PAQR7: variants seen among roughly 807,000 people sequenced by gnomAD.
The protein encoded by PAQR7 is progestin and adipoQ receptor family member 7, also known as membrane progestin receptor alpha.
A neutral mutation model predicts 24.6 loss-of-function variants in PAQR7; 14 were observed. That is an observed-to-expected ratio of 0.57 (90% CI 0.38 to 0.89). PAQR7 has a LOEUF of 0.89. Among genes scored for constraint, PAQR7 ranks in the 40% least tolerant of loss-of-function variants. The pLI is 0.00. For synonymous variants in PAQR7, 189 were observed against 198.8 expected (o/e 0.95, Z 0.42); for missense variants, 351 against 444.0 (o/e 0.79, Z 1.88).
chr1:25,872,342 C>T (rs2048612793), intron 1 of PAQR7, among the ~76,000 whole-genome samples: 1 of 152,068 alleles, frequency 6.6e-6, no homozygotes, highest in Non-Finnish European at 1.5e-5. Flanking sequence ...AGAGTAAATT[C>T]ACCAGTGACT....
chr1:25,864,371 A>G (rs1472670432), intron 2 of PAQR7, among the ~76,000 whole-genome samples: 1 of 151,874 alleles, frequency 6.6e-6, no homozygotes, highest in Non-Finnish European at 1.5e-5. Context: ...ACCCTCCATT[A>G]CCCTGCATGA....
chr1:25,867,357 G>A (rs2048565829), intron 2 of PAQR7, among the ~76,000 whole-genome samples: 1 of 152,144 alleles, frequency 6.6e-6, no homozygotes, highest in Admixed American at 6.5e-5. Flanking sequence ...AATGCACTTT[G>A]CAACACAAGG....
At position 25,863,186 on chromosome 1, in the gene PAQR7, AAT is replaced by A; in HGVS notation, c.652_653del (p.Ile218Ter). 3 of 1,614,238 alleles carry A rather than the reference AAT, an allele frequency of 1.9e-6. No homozygotes were observed. Among genetic ancestry groups the A allele is most frequent in the Non-Finnish European group, 1.7e-6 (2 of 1,180,048 alleles). On this transcript the variant is annotated frameshift_variant, in exon 3 of 3. Transcript: ENST00000675840. LOFTEE classifies it high-confidence loss of function. The surrounding 1 kb of genome is among the most constrained non-coding windows in gnomAD (Gnocchi z 6.1). ...CGAAGATACGATGCACCACAGGACT[AAT>A]GTCCAGTGCGTAGGCCAGGACGGAG... ...VPSVLAYALDISPVVHRIFVS... is the reference protein window; with the variant it reads ...VPSVLAYALDXSPVVHRIFVS...
chr1:25,868,663 T>C (rs929823465), intron 2 of PAQR7, among the ~76,000 whole-genome samples: 7 of 148,382 alleles, frequency 4.7e-5, no homozygotes, highest in African/African-American at 7.6e-5. Flanking sequence ...GGAGCCAAGA[T>C]TGTGCCACTG....
chr1:25,862,630 T>C lies in PAQR7; in HGVS notation c.*169A>G, dbSNP rs752278163. 6 of 756,346 alleles carry C rather than the reference T, an allele frequency of 7.9e-6. No individual in the cohort carries two copies. Among genetic ancestry groups the C allele is most frequent in the Non-Finnish European group, 1.3e-5 (6 of 473,798 alleles). 46.9% of individuals were successfully genotyped at this position (756,346 alleles called of 1,614,324 possible). A position where few individuals can be genotyped will look rare whatever the true frequency, so the allele number is the denominator to read the frequency against. On this transcript the variant is annotated 3_prime_UTR_variant, in exon 3 of 3. Coordinates refer to ENST00000675840, the MANE Select transcript of PAQR7 (RefSeq NM_178422.6). ...GTGGACCCCAGCAACTCCTAGCCAATCCCTAAATCCAAGAATTGGCCAGTG... is the reference window on the plus strand; with the variant it reads ...GTGGACCCCAGCAACTCCTAGCCAACCCCTAAATCCAAGAATTGGCCAGTG...
chr1:25,870,826 C>G (rs1467628471), intron 1 of PAQR7, 132 bp from the exon 2 acceptor site: 1 of 152,232 alleles, frequency 6.6e-6, no homozygotes, highest in Non-Finnish European at 1.5e-5. Flanking sequence ...AACATGCTAG[C>G]TATGTGACCT....
intron 2 of PAQR7, among the ~76,000 whole-genome samples, chr1:25,870,154 C>CTG (rs2048591425): frequency 1.3e-5 from 2 of 152,186 alleles, no homozygotes; most frequent in Non-Finnish European, 2.9e-5. Flanking sequence ...AGGGCACCAT[C>CTG]AGGGCATCCT....
In PAQR7 at chr1:25,866,574, C is replaced by T. The variant is rs117441389; in HGVS notation, c.-22-2713G>A. ...ATGCTCACACAGCACCTGCTAGACG[C>T]TTCCCAGCAACCCTGAGAGGCAGAC... On this transcript the variant is annotated intron_variant, in intron 2 of 2. Coordinates refer to ENST00000675840, the MANE Select transcript of PAQR7 (RefSeq NM_178422.6). Among the ~76,000 whole-genome samples, 70 of 152,340 alleles carry T rather than the reference C, an allele frequency of 4.6e-4. 1 individual carries two copies. The East Asian group carries it at 0.012, about 26-fold the overall frequency.
chr1:25,862,114 C>G lies in PAQR7; in HGVS notation c.*685G>C, dbSNP rs1312646051. The G allele has an allele frequency of 6.8e-6, 1 of 147,496 alleles. No individual in the cohort carries two copies. Among genetic ancestry groups the G allele is most frequent in the African/African-American group, 2.5e-5 (1 of 40,144 alleles). The allele number at this position is 147,496 out of a possible 1,614,324, so 9.1% of individuals were successfully genotyped here. A position where few individuals can be genotyped will look rare whatever the true frequency, so the allele number is the denominator to read the frequency against. Reference sequence around the variant, plus strand: ...CCTCTGAGCAGAGGCCCAGGAAACACTGAATGGATAAATGAATCCGTAACA... The same window carrying G: ...CCTCTGAGCAGAGGCCCAGGAAACAGTGAATGGATAAATGAATCCGTAACA... On this transcript the variant is annotated 3_prime_UTR_variant, in exon 3 of 3. Coordinates refer to ENST00000675840, the MANE Select transcript of PAQR7 (RefSeq NM_178422.6).
At chr1:25,871,304 GCAGTGACAGTCC>G (rs1157894604) in intron 1 of PAQR7, 1 of 152,210 alleles carries the variant, frequency 6.6e-6, no homozygotes, top group Non-Finnish European at 1.5e-5. Flanking sequence ...ATGTGGCTAA[GCAGTGACAGTCC>G]CAGGGGAAGG....
chr1:25,863,721 G>T lies in PAQR7; in HGVS notation c.119C>A (p.Pro40Gln), dbSNP rs748332122. Reference sequence around the variant, plus strand: ...ATAGATGTACGGCTTCCAGAAGAGCGGCGGCACCTCAGCTCGATCCACCGT... The same window carrying T: ...ATAGATGTACGGCTTCCAGAAGAGCTGCGGCACCTCAGCTCGATCCACCGT... Reference protein sequence around the residue: ...VFTVDRAEVPPLFWKPYIYAG... With the variant: ...VFTVDRAEVPQLFWKPYIYAG... The change falls in exon 3 of 3, where the codon CCG (proline) becomes CAG (glutamine). Residue 40 changes from proline to glutamine, a missense_variant. Transcript: ENST00000675840. The surrounding 1 kb of genome is among the most constrained non-coding windows in gnomAD (Gnocchi z 6.1). 1.2e-6 allele frequency: 2 copies of T among 1,613,976 alleles called. No homozygotes were observed. The highest frequency in any genetic ancestry group is 1.3e-5 in the African/African-American group (1 of 74,916).
At position 25,872,901 on chromosome 1, in the gene PAQR7, C is replaced by T. The variant is rs75762393; in HGVS notation, c.-108-2207G>A. 4.7e-4 allele frequency among the ~76,000 whole-genome samples: 71 copies of T among 152,342 alleles called. No homozygotes were observed. In the East Asian group the frequency reaches 0.013, roughly 28 times the overall value. On this transcript the variant is annotated intron_variant, in intron 1 of 2. Coordinates refer to ENST00000675840, the MANE Select transcript of PAQR7 (RefSeq NM_178422.6). ...TAAGCATTATTTGGGTACAATTCCA[C>T]TTCCTCTTTTGCCTCCTTCTTGGCA...
At chr1:25,869,596 G>GA (rs796341418) in intron 2 of PAQR7, among the ~76,000 whole-genome samples, 30 of 146,328 alleles carry the variant, frequency 2.1e-4, no homozygotes, top group African/African-American at 5.8e-4. Flanking sequence ...AAAAAGAAAG[G>GA]AAAAAAAAAA....
rs993038867 is a variant in PAQR7 at position 25,875,494 on chromosome 1, C to A, written c.-115G>T. Among the ~76,000 whole-genome samples the A allele has an allele frequency of 4.6e-5, 7 of 152,224 alleles. No individual in the cohort carries two copies. Among genetic ancestry groups the A allele is most frequent in the Non-Finnish European group, 4.4e-5 (3 of 67,996 alleles). On this transcript the variant is annotated 5_prime_UTR_variant, in exon 1 of 3. Coordinates refer to ENST00000675840, the MANE Select transcript of PAQR7 (RefSeq NM_178422.6). This position sits in a 1 kb window ranked among gnomAD's most constrained non-coding sequence, Gnocchi z 5.4. Reference sequence around the variant, plus strand: ...CGTCTTGGCAGCCCCGTACCTGAGCCGGAGCCGAGCTGGGAGGGCCGCGGG... The same window carrying A: ...CGTCTTGGCAGCCCCGTACCTGAGCAGGAGCCGAGCTGGGAGGGCCGCGGG...
intron 2 of PAQR7, among the ~76,000 whole-genome samples, chr1:25,870,087 G>A (rs2048590936): frequency 6.6e-6 from 1 of 152,174 alleles, no homozygotes; most frequent in Admixed American, 6.5e-5. Context: ...CCAGGGGAAA[G>A]GAAAAAGCAG....
Position 25,873,031 on chromosome 1 carries a change from C to A in PAQR7, c.-108-2337G>T, listed in dbSNP as rs748510884. ...AGGGAAAGTCTAACCCCATTAGATA[C>A]AAATAATAAGGCCAGACCAATGTTA... On this transcript the variant is annotated intron_variant, in intron 1 of 2. Coordinates refer to ENST00000675840, the MANE Select transcript of PAQR7 (RefSeq NM_178422.6). 6.9e-4 allele frequency among the ~76,000 whole-genome samples: 105 copies of A among 152,256 alleles called. 1 individual carries two copies. Among genetic ancestry groups the A allele is most frequent in the Non-Finnish European group, 1.2e-3 (84 of 68,014 alleles).
intron 2 of PAQR7, among the ~76,000 whole-genome samples, chr1:25,867,970 TTGC>T (rs1335288419): frequency 6.6e-6 from 1 of 152,216 alleles, no homozygotes; most frequent in Non-Finnish European, 1.5e-5. Context: ...GAAGCAGACA[TTGC>T]TGCTGCACTA....
In PAQR7 at chr1:25,863,200, A is replaced by C. The variant is rs1443438551; in HGVS notation, c.640T>G (p.Tyr214Asp). ...ACCACAGGACTAATGTCCAGTGCGTAGGCCAGGACGGAGGGCACCTCCTGG... is the reference window on the plus strand; with the variant it reads ...ACCACAGGACTAATGTCCAGTGCGTCGGCCAGGACGGAGGGCACCTCCTGG... ...TCQEVPSVLA[Y>D]ALDISPVVHR... Residue 214 changes from tyrosine to aspartate, a missense_variant, in exon 3 of 3, where the codon TAC (tyrosine) becomes GAC (aspartate). Tyr to Asp is a radical substitution (Grantham distance 160). Transcript: ENST00000675840. This position sits in a 1 kb window ranked among gnomAD's most constrained non-coding sequence, Gnocchi z 6.1. The C allele has an allele frequency of 6.2e-7, 1 of 1,614,144 alleles. No homozygotes were observed. The highest frequency in any genetic ancestry group is 8.5e-7 in the Non-Finnish European group (1 of 1,180,056).
chr1:25,871,193 C>T (rs2048603156), intron 1 of PAQR7: 1 of 152,146 alleles, frequency 6.6e-6, no homozygotes, highest in Non-Finnish European at 1.5e-5. Flanking sequence ...AGGACACTGA[C>T]CTTACTTAAT....
Sources: gnomAD v4.1 joint callset for allele counts (sites outside exome capture counted in the v4.1 genomes callset) on GRCh38, gnomAD v4.1.1 for gene constraint, Gnocchi (gnomAD v3.1) non-coding constraint, MANE v1.5 for transcripts, NCBI Gene and HGNC (gene_info 2026-07-23, HGNC 2026-07-21) for gene names.